RANBP3L: variants seen among roughly 807,000 people sequenced by gnomAD.
RANBP3L encodes ran-binding protein 3-like.
RANBP3L carries 56 observed loss-of-function variants against 67.2 expected under a neutral mutation model. The observed-to-expected ratio is 0.83, with a 90% CI of 0.67 to 1.04. The LOEUF is 1.04. RANBP3L is among the 50% of genes least tolerant of loss of function. The pLI, the probability that RANBP3L is intolerant of heterozygous loss-of-function variation, is 0.00. For missense variants in RANBP3L, 496 were observed against 535.5 expected (o/e 0.93, Z 0.73); for synonymous variants, 164 against 181.4 (o/e 0.90, Z 0.77).
At chr5:36,298,710 C>T (rs1752407179) in intron 1 of RANBP3L, among the ~76,000 whole-genome samples, 1 of 152,234 alleles carries the variant, frequency 6.6e-6, no homozygotes, top group Non-Finnish European at 1.5e-5. Context: ...ACTGCATTAG[C>T]ATGCTTCACA....
At chr5:36,276,099 C>A (rs1750548559) in intron 1 of RANBP3L, among the ~76,000 whole-genome samples, 1 of 152,092 alleles carries the variant, frequency 6.6e-6, no homozygotes, top group South Asian at 2.1e-4. Flanking sequence ...CTGGGCTTAA[C>A]TGTTCTTCAC....
At chr5:36,269,280 C>T (rs1750037615) in intron 4 of RANBP3L, 110 bp downstream of exon 4, 7 of 692,232 alleles carry the variant, frequency 1.0e-5, no homozygotes, top group South Asian at 5.3e-5. Flanking sequence ...ATATTATAAA[C>T]ACTATTCAGC....
chr5:36,256,952 T>G lies in RANBP3L; in HGVS notation c.892A>C (p.Asn298His). Reference sequence around the variant, plus strand: ...CATGATATACAGACCTTTAACACATTATGTTCTGTTTCCTCCCCTGTTATA... The same window carrying G: ...CATGATATACAGACCTTTAACACATGATGTTCTGTTTCCTCCCCTGTTATA... ...DVITGEETEH[N>H]VLKINCKLFI... The change falls in exon 10 of 14, where the codon AAT becomes CAT. Residue 298 changes from asparagine to histidine, a missense_variant. Coordinates refer to ENST00000296604, the MANE Select transcript of RANBP3L (RefSeq NM_145000.5). 1 of 1,612,922 alleles carries G rather than the reference T, an allele frequency of 6.2e-7. No homozygotes were observed.
chr5:36,253,859 C>G, intron 11 of RANBP3L, 70 bp from the exon 12 acceptor site: 1 of 1,449,774 alleles, frequency 6.9e-7, no homozygotes, highest in Admixed American at 2.1e-5. Context: ...TTTTCAAAAG[C>G]AAAATAAATC....
chr5:36,274,801 G>C (rs190845697), intron 1 of RANBP3L, among the ~76,000 whole-genome samples: 2 of 152,146 alleles, frequency 1.3e-5, no homozygotes, highest in Non-Finnish European at 2.9e-5. Flanking sequence ...GAGGAAATAA[G>C]AATCTAATTA....
chr5:36,283,660 A>G (rs1346743140), intron 1 of RANBP3L, among the ~76,000 whole-genome samples: 4 of 152,114 alleles, frequency 2.6e-5, no homozygotes, highest in Non-Finnish European at 4.4e-5. Flanking sequence ...TTCAGCATTC[A>G]CAGACTTTCC....
At chr5:36,278,164 C>T (rs1750730617) in intron 1 of RANBP3L, among the ~76,000 whole-genome samples, 1 of 152,162 alleles carries the variant, frequency 6.6e-6, no homozygotes, top group Non-Finnish European at 1.5e-5. Context: ...GGAAGTGCCT[C>T]ATTCTTCCCC....
At position 36,269,444 on chromosome 5, in the gene RANBP3L, G is replaced by A. The variant is rs761427287; in HGVS notation, c.214C>T (p.Arg72Cys). 9 of 1,574,830 alleles carry A rather than the reference G, an allele frequency of 5.7e-6. No homozygotes were observed. The Admixed American group carries it at 1.0e-4, about 18-fold the overall frequency. The part of the protein sequence containing the change: ...EPECNGFPTK[R>C]VRSSSFTFHI... ...AAAGTAAAAGATGAAGACCGTACAC[G>A]CTTTGTTGGAAAACCATTACATTCT... The change falls in exon 4 of 14, where the codon CGT becomes TGT. Residue 72 changes from arginine to cysteine, a missense_variant. By Grantham distance (180) the Arg-to-Cys change is radical. Coordinates refer to ENST00000296604, the MANE Select transcript of RANBP3L (RefSeq NM_145000.5).
chr5:36,262,711 T>C (rs1012170582), intron 6 of RANBP3L, among the ~76,000 whole-genome samples: 5 of 152,206 alleles, frequency 3.3e-5, no homozygotes, highest in Non-Finnish European at 7.4e-5. Context: ...AGATGGGTTA[T>C]GTTTCCACTT....
At chr5:36,263,947 CTTAT>C (rs1749572220) in intron 6 of RANBP3L, among the ~76,000 whole-genome samples, 1 of 152,148 alleles carries the variant, frequency 6.6e-6, no homozygotes, top group Admixed American at 6.5e-5. Flanking sequence ...TTAAAAATTA[CTTAT>C]ATAGCATGCA....
At chr5:36,252,974 C>T (rs1409398909) in intron 12 of RANBP3L, among the ~76,000 whole-genome samples, 1 of 152,018 alleles carries the variant, frequency 6.6e-6, no homozygotes, top group Non-Finnish European at 1.5e-5. Flanking sequence ...TCAGTCTTCT[C>T]CAGTCAGTCC....
intron 4 of RANBP3L, among the ~76,000 whole-genome samples, chr5:36,266,355 A>G (rs1749787923): frequency 6.6e-6 from 1 of 152,212 alleles, no homozygotes; most frequent in Non-Finnish European, 1.5e-5. Flanking sequence ...ATACATTTCA[A>G]AGGGATCTCC....
chr5:36,254,979 G>A (rs377661084), intron 11 of RANBP3L, among the ~76,000 whole-genome samples: 1 of 152,050 alleles, frequency 6.6e-6, no homozygotes, highest in East Asian at 1.9e-4. Flanking sequence ...CCTTCATCCC[G>A]ACCCCCATCC....
intron 1 of RANBP3L, among the ~76,000 whole-genome samples, chr5:36,274,318 G>T (rs141331957): frequency 6.6e-6 from 1 of 152,122 alleles, no homozygotes; most frequent in African/African-American, 2.4e-5. Context: ...TTCAACTGGG[G>T]TAAGCATTAT....
chr5:36,297,150 A>G (rs1274994488), intron 1 of RANBP3L, among the ~76,000 whole-genome samples: 2 of 151,990 alleles, frequency 1.3e-5, no homozygotes, highest in Non-Finnish European at 2.9e-5. Context: ...TACATATTTT[A>G]TATATTATAT....
At chr5:36,272,465 T>C (rs1750288434) in intron 1 of RANBP3L, among the ~76,000 whole-genome samples, 1 of 152,206 alleles carries the variant, frequency 6.6e-6, no homozygotes, top group Non-Finnish European at 1.5e-5. Context: ...ACCAGACATA[T>C]ACAACTTTTA....
chr5:36,253,509 G>T, intron 12 of RANBP3L, 138 bp downstream of exon 12: 1 of 642,706 alleles, frequency 1.6e-6, no homozygotes, highest in Admixed American at 2.9e-5. Context: ...TATGTCTTAT[G>T]CTATAAACAG....
intron 4 of RANBP3L, chr5:36,268,088 T>C (rs990978326): frequency 5.8e-6 from 4 of 687,128 alleles, no homozygotes; most frequent in African/African-American, 1.9e-5. Context: ...TGTTTATTTC[T>C]AAAGTGTCAG....
rs1280798671 is a variant in RANBP3L at position 36,249,578 on chromosome 5, ATTAG to A, written c.*72_*75del. 1.6e-5 allele frequency: 10 copies of A among 629,620 alleles called. No individual in the cohort carries two copies. The highest frequency in any genetic ancestry group is 2.7e-5 in the Non-Finnish European group (10 of 367,606). 39.0% of individuals were successfully genotyped at this position (629,620 alleles called of 1,614,324 possible). On this transcript the variant is annotated 3_prime_UTR_variant, in exon 14 of 14. Coordinates refer to ENST00000296604, the MANE Select transcript of RANBP3L (RefSeq NM_145000.5). ...TTCAAGGAATGAATAGAATCTTCTC[ATTAG>A]TTAGGGTGGTTTAGTATTTTCAGTA...
Sources: allele counts gnomAD v4.1 joint callset (sites outside exome capture counted in the v4.1 genomes callset), GRCh38; gene constraint gnomAD v4.1.1; transcripts MANE v1.5; gene names NCBI Gene and HGNC (gene_info 2026-07-23, HGNC 2026-07-21).